The following ZAN variants were observed in gnomAD, a reference collection of about 807,000 sequenced individuals.
The protein encoded by ZAN is zonadhesin.
ZAN carries 260 observed loss-of-function variants against 286.2 expected under a neutral mutation model. That is an observed-to-expected ratio of 0.91 (90% CI 0.82 to 1.01). ZAN has a LOEUF of 1.01. ZAN is among the 50% of genes least tolerant of loss of function. The probability of loss-of-function intolerance (pLI) is 0.00; values close to 1 mark genes in which losing one functional copy is unlikely to be tolerated. For missense variants in ZAN, 3,410 were observed against 3,639.2 expected (o/e 0.94, Z 1.62); for synonymous variants, 1,368 against 1,417.5 (o/e 0.97, Z 0.79).
chr7:100,737,806 T>TA (rs1468466540), intron 6 of ZAN, among the ~76,000 whole-genome samples: 1 of 137,206 alleles, frequency 7.3e-6, no homozygotes, highest in Admixed American at 7.3e-5. Flanking sequence ...CAGCCGTGCC[T>TA]AAAGAGAGGT....
At chr7:100,765,694 G>T (rs1018428807) in intron 23 of ZAN, 140 bp downstream of exon 23, 15 of 1,133,918 alleles carry the variant, frequency 1.3e-5, no homozygotes, top group Admixed American at 5.3e-5. Context: ...CTGTCGCCAG[G>T]CTGGAGTGCA....
At chr7:100,780,152 C>T (rs908073391) in intron 35 of ZAN, among the ~76,000 whole-genome samples, 1 of 150,964 alleles carries the variant, frequency 6.6e-6, no homozygotes, top group Non-Finnish European at 1.5e-5. Context: ...GAGATCGCGC[C>T]GTTGCACTCC....
At chr7:100,755,163 G>T in intron 14 of ZAN, 63 bp from the exon 15 acceptor site, 2 of 1,524,096 alleles carry the variant, frequency 1.3e-6, no homozygotes, top group South Asian at 2.5e-5. Context: ...GTAGAGGAGA[G>T]ACAGGGAGAC....
intron 9 of ZAN, 134 bp from the exon 10 acceptor site, chr7:100,747,999 AAAAG>A (rs1236055183): frequency 2.2e-4 from 157 of 721,990 alleles, no homozygotes; most frequent in Non-Finnish European, 1.9e-4. Context: ...AAAAAAAAAA[AAAAG>A]AAAGAAAGAA....
chr7:100,791,853 G>A (rs113830258), intron 40 of ZAN, 113 bp from the exon 41 acceptor site: 95 of 1,301,510 alleles, frequency 7.3e-5, no homozygotes, highest in African/African-American at 6.0e-5. Context: ...TCAGCCTCCC[G>A]GGTAGCTGGG....
intron 3 of ZAN, 105 bp downstream of exon 3, chr7:100,735,877 C>A: frequency 1.1e-6 from 1 of 918,260 alleles, no homozygotes; most frequent in Non-Finnish European, 1.7e-6. Flanking sequence ...CAGCCACCTC[C>A]AGTCCCCTCC....
intron 29 of ZAN, among the ~76,000 whole-genome samples, chr7:100,772,941 G>A (rs764161285): frequency 6.9e-6 from 1 of 145,406 alleles, no homozygotes; most frequent in Admixed American, 7.2e-5. Context: ...GTCTGACCTC[G>A]CCTCATTGCA....
chr7:100,734,302 G>A lies in ZAN; in HGVS notation c.53+81G>A, dbSNP rs1023381233. On this transcript the variant is annotated intron_variant, in intron 2 of 47. Coordinates refer to ENST00000613979, the MANE Select transcript of ZAN (RefSeq NM_003386.3). ...GGAATATGGAAGGACAGAGCTGGAG[G>A]GGGCGAGCAGGCTAACTACAAAAGA... is the stretch of plus-strand genomic sequence containing the variant. The A allele has an allele frequency of 6.9e-6, 7 of 1,009,568 alleles. No homozygotes were observed. In the Middle Eastern group the frequency reaches 9.9e-4, roughly 143 times the overall value. 62.5% of individuals were successfully genotyped at this position (1,009,568 alleles called of 1,614,324 possible). A position where few individuals can be genotyped will look rare whatever the true frequency, so the allele number is the denominator to read the frequency against.
rs773837593 is a variant in ZAN at position 100,751,971 on chromosome 7, C to T, written c.1866C>T (p.Pro622=). 2.0e-5 allele frequency: 32 copies of T among 1,612,790 alleles called. No individual in the cohort carries two copies. The highest frequency in any genetic ancestry group is 2.7e-5 in the African/African-American group (2 of 74,684). The change falls in exon 14 of 48, where the codon CCC becomes CCT. Residue 622 remains proline, a synonymous_variant. Transcript: ENST00000613979. ...TGCCCTCAGAAAAACCCACCATTCC[C>T]TCAGAAAAACCCACCATCCTCACAG... is the stretch of plus-strand genomic sequence containing the variant. The part of the protein sequence containing the change: ...PNMPSEKPTI[P]SEKPTILTEK...
At position 100,739,655 on chromosome 7, in the gene ZAN, ATTATTTAT is replaced by A. The variant is rs897079835; in HGVS notation, c.766+1053_766+1060del. ...CACTGTGCCCCGCCGTGAGTTATCA[ATTATTTAT>A]TTATTTATTTTGGAGACAGAGTCTC... is the stretch of plus-strand genomic sequence containing the variant. On this transcript the variant is annotated intron_variant, in intron 7 of 47. Transcript: ENST00000613979. Among the ~76,000 whole-genome samples the A allele has an allele frequency of 7.5e-4, 94 of 126,068 alleles. 14 individuals carry two copies. The highest frequency in any genetic ancestry group is 1.4e-3 in the Non-Finnish European group (79 of 57,408). The allele number at this position is 126,068 out of a possible 152,430, so 82.7% of individuals were successfully genotyped here.
At chr7:100,739,240 G>A (rs1412918073) in intron 7 of ZAN, among the ~76,000 whole-genome samples, 1 of 135,874 alleles carries the variant, frequency 7.4e-6, no homozygotes, top group Admixed American at 7.4e-5. Context: ...TCGAACTCCG[G>A]ACCTCAAGTG....
intron 34 of ZAN, 84 bp downstream of exon 34, chr7:100,776,648 C>T (rs367835989): frequency 1.7e-4 from 39 of 233,950 alleles, no homozygotes; most frequent in African/African-American, 3.7e-4. Context: ...TCCCTTCCCT[C>T]CCCTCCCCTC....
chr7:100,749,802 A>G (rs974975186), intron 11 of ZAN, among the ~76,000 whole-genome samples: 16 of 150,608 alleles, frequency 1.1e-4, no homozygotes, highest in African/African-American at 3.4e-4. Context: ...TGTAATCCCA[A>G]TGCTTTGGGA....
At chr7:100,743,904 A>T (rs183266780) in intron 7 of ZAN, among the ~76,000 whole-genome samples, 1 of 151,272 alleles carries the variant, frequency 6.6e-6, no homozygotes, top group African/African-American at 2.4e-5. Context: ...AAAAATAGAG[A>T]TGGGGTCTTG....
rs751164651 is a variant in ZAN at position 100,748,439 on chromosome 7, C to G, written c.1218C>G (p.Gly406=). The G allele has an allele frequency of 2.1e-5, 34 of 1,613,586 alleles. No homozygotes were observed. Among genetic ancestry groups the G allele is most frequent in the Non-Finnish European group, 2.9e-5 (34 of 1,179,746 alleles). Residue 406 remains glycine, a synonymous_variant, in exon 11 of 48, where the codon GGC becomes GGG. Coordinates refer to ENST00000613979, the MANE Select transcript of ZAN (RefSeq NM_003386.3). ...GACATAAAAATGGACCCGTCCATGG[C>G]ATGGGCCCTGCGGGAGGTTTCCCTA... ...ALGHKNGPVH[G]MGPAGGFPNA... is the part of the protein sequence containing the mutation.
chr7:100,746,334 C>A (rs532118229), intron 7 of ZAN, among the ~76,000 whole-genome samples: 1 of 152,184 alleles, frequency 6.6e-6, no homozygotes, highest in African/African-American at 2.4e-5. Context: ...CCCATGGCAG[C>A]GCCGGGTCCT....
intron 7 of ZAN, among the ~76,000 whole-genome samples, chr7:100,744,555 G>A (rs1363727326): frequency 2.7e-5 from 4 of 150,836 alleles, no homozygotes; most frequent in Non-Finnish European, 4.4e-5. Flanking sequence ...CCGAGATAGC[G>A]CCACTGCACT....
intron 7 of ZAN, among the ~76,000 whole-genome samples, chr7:100,743,476 C>T (rs1807958932): frequency 6.6e-6 from 1 of 152,076 alleles, no homozygotes; most frequent in South Asian, 2.1e-4. Context: ...CTCACACAGC[C>T]CACATTTCAA....
Position 100,737,091 on chromosome 7 carries a change from G to A in ZAN, c.525+11G>A, listed in dbSNP as rs770825966. On this transcript the variant is annotated intron_variant, in intron 5 of 47. Coordinates refer to ENST00000613979, the MANE Select transcript of ZAN (RefSeq NM_003386.3). ...ACCCTGCCCACCCGGGTAAGGCCGG[G>A]GACAAATTGTGGGACCTCGGGGGGG... 1.9e-5 allele frequency: 28 copies of A among 1,487,762 alleles called. 4 individuals are homozygous for A. The highest frequency in any genetic ancestry group is 2.3e-5 in the Non-Finnish European group (25 of 1,089,994). 92.2% of individuals were successfully genotyped at this position (1,487,762 alleles called of 1,614,324 possible).
Sources: allele counts gnomAD v4.1 joint callset (sites outside exome capture counted in the v4.1 genomes callset), GRCh38; gene constraint gnomAD v4.1.1; transcripts MANE v1.5; gene names NCBI Gene and HGNC (gene_info 2026-07-23, HGNC 2026-07-21).